The following LSAMP variants were observed in gnomAD, a reference collection of about 807,000 sequenced individuals.
LSAMP encodes the protein limbic system associated membrane protein.
LSAMP carries 7 observed loss-of-function variants against 38.6 expected under a neutral mutation model. The observed-to-expected ratio is 0.18, with a 90% CI of 0.10 to 0.34. The LOEUF is 0.34. LSAMP is among the 10% of genes least tolerant of loss of function. The pLI is 1.00. For missense variants in LSAMP, 313 were observed against 420.0 expected, an observed-to-expected ratio of 0.75 and a Z score of 2.23; for synonymous variants, 154 against 166.8, an observed-to-expected ratio of 0.92 and a Z score of 0.59.
At chr3:116,127,695 ATTTTTTTTTTTTTTT>A in intron 1 of LSAMP, among the ~76,000 whole-genome samples, 1 of 96,654 alleles carries the variant, frequency 1.0e-5, no homozygotes, top group Admixed American at 1.2e-4. Flanking sequence ...GTGTTTGTTC[ATTTTTTTTTTTTTTT>A]TTTTTTTTTT....
chr3:116,219,077 C>G (rs529898096), intron 1 of LSAMP, among the ~76,000 whole-genome samples: 8 of 152,308 alleles, frequency 5.3e-5, no homozygotes, highest in African/African-American at 1.9e-4. Flanking sequence ...TCTTGCTTAA[C>G]TGACACTTTA....
chr3:116,406,114 T>G (rs1182504713), intron 1 of LSAMP, among the ~76,000 whole-genome samples: 1 of 152,084 alleles, frequency 6.6e-6, no homozygotes, highest in Non-Finnish European at 1.5e-5. Context: ...CGTGTACATC[T>G]GCCAAAAAAA....
rs76552053 is a variant in LSAMP at position 116,194,066 on chromosome 3, C to A, written c.156-107510G>T. ...TCTAAAGCTTACCAGTTAACGCAAT[C>A]CGACTCCTATAGGAGAGAAATCAGG... On this transcript the variant is annotated intron_variant, in intron 1 of 6. Transcript: ENST00000490035. Among the ~76,000 whole-genome samples, 345 of 152,268 alleles carry A rather than the reference C, an allele frequency of 2.3e-3. 1 individual carries two copies. The highest frequency in any genetic ancestry group is 8.0e-3 in the African/African-American group (334 of 41,542).
At chr3:115,984,493 G>GTACAC (rs1939456194) in intron 3 of LSAMP, among the ~76,000 whole-genome samples, 1 of 152,116 alleles carries the variant, frequency 6.6e-6, no homozygotes, top group Non-Finnish European at 1.5e-5. Flanking sequence ...AAGTGTGAGG[G>GTACAC]ATTTAGCTAT....
At chr3:116,022,715 A>T (rs73139170) in intron 2 of LSAMP, among the ~76,000 whole-genome samples, 1 of 152,066 alleles carries the variant, frequency 6.6e-6, no homozygotes, top group East Asian at 1.9e-4. Context: ...TCTTCATCTC[A>T]ATCTATACAT....
At chr3:115,816,502 G>A (rs933934720) in intron 6 of LSAMP, 3 of 606,396 alleles carry the variant, frequency 4.9e-6, no homozygotes, top group East Asian at 1.3e-4. Context: ...ATGTGTTATG[G>A]AAATTGTTAT....
At chr3:116,240,573 A>C (rs892649607) in intron 1 of LSAMP, among the ~76,000 whole-genome samples, 1 of 152,218 alleles carries the variant, frequency 6.6e-6, no homozygotes, top group African/African-American at 2.4e-5. Flanking sequence ...TTCACTTGGC[A>C]AGCATGAGAT....
At chr3:116,054,573 G>A (rs1052891708) in intron 2 of LSAMP, among the ~76,000 whole-genome samples, 15 of 152,002 alleles carry the variant, frequency 9.9e-5, no homozygotes, top group Non-Finnish European at 2.2e-4. Flanking sequence ...AGTAGCCCGA[G>A]AGAAAAGGGC....
chr3:116,317,082 G>C (rs909573123), intron 1 of LSAMP, among the ~76,000 whole-genome samples: 1 of 152,090 alleles, frequency 6.6e-6, no homozygotes, highest in Non-Finnish European at 1.5e-5. Flanking sequence ...CCAATCAGCA[G>C]GACAAGGGCA....
intron 1 of LSAMP, among the ~76,000 whole-genome samples, chr3:116,304,519 G>A (rs921604558): frequency 6.6e-6 from 1 of 152,122 alleles, no homozygotes; most frequent in African/African-American, 2.4e-5. Context: ...GAGGATAAGG[G>A]TGCAGAGACA....
intron 2 of LSAMP, among the ~76,000 whole-genome samples, chr3:116,039,993 T>C (rs1264676457): frequency 1.4e-5 from 2 of 148,038 alleles, no homozygotes; most frequent in African/African-American, 5.3e-5. Context: ...CTGCCTCTCT[T>C]TGGGGGGGGA....
At chr3:116,407,534 C>T (rs2048912353) in intron 1 of LSAMP, among the ~76,000 whole-genome samples, 1 of 151,950 alleles carries the variant, frequency 6.6e-6, no homozygotes, top group Admixed American at 6.6e-5. Flanking sequence ...GCAAGGAATG[C>T]TTATGTTAGG....
intron 2 of LSAMP, among the ~76,000 whole-genome samples, chr3:116,026,262 T>C (rs548635738): frequency 6.6e-6 from 1 of 152,280 alleles, no homozygotes; most frequent in South Asian, 2.1e-4. Flanking sequence ...TTATTGTCTT[T>C]GTAGTTCCTT....
At chr3:115,858,944 C>T (rs1240774097) in intron 3 of LSAMP, among the ~76,000 whole-genome samples, 1 of 152,202 alleles carries the variant, frequency 6.6e-6, no homozygotes, top group Non-Finnish European at 1.5e-5. Context: ...TAAGGACATG[C>T]TCTCACCTAT....
chr3:115,969,535 C>T lies in LSAMP; in HGVS notation c.514+49980G>A, dbSNP rs201752557. Among the ~76,000 whole-genome samples the T allele has an allele frequency of 8.0e-4, 122 of 152,264 alleles. 2 individuals are homozygous for T. In the East Asian group the frequency reaches 8.1e-3, roughly 10 times the overall value. On this transcript the variant is annotated intron_variant, in intron 3 of 6. Coordinates refer to ENST00000490035, the MANE Select transcript of LSAMP (RefSeq NM_002338.5). The stretch of plus-strand genomic sequence containing the variant: ...AATCCAAATGGATGAAGGTGACCCA[C>T]CCTTCTGGCGAAAAAATTCTTTGAA...
At chr3:116,110,894 A>AGC (rs1168007791) in intron 1 of LSAMP, among the ~76,000 whole-genome samples, 18 of 152,244 alleles carry the variant, frequency 1.2e-4, no homozygotes, top group Middle Eastern at 3.4e-3. Flanking sequence ...TGAGTCGGAA[A>AGC]AGAGTCAGCG....
chr3:116,444,013 C>T (rs1024597350), intron 1 of LSAMP, among the ~76,000 whole-genome samples: 3 of 152,166 alleles, frequency 2.0e-5, no homozygotes, highest in Non-Finnish European at 4.4e-5. Context: ...GGACTTGGGA[C>T]TCTTCTTTCC....
At position 116,155,523 on chromosome 3, in the gene LSAMP, C is replaced by T. The variant is rs115678417; in HGVS notation, c.156-68967G>A. Reference sequence around the variant, plus strand: ...TATTACAAGTGTGAGCCACTGCACTCGGCCCTATTTTTGATCATGTTTTAC... The same window carrying T: ...TATTACAAGTGTGAGCCACTGCACTTGGCCCTATTTTTGATCATGTTTTAC... On this transcript the variant is annotated intron_variant, in intron 1 of 6. Transcript: ENST00000490035. Among the ~76,000 whole-genome samples, 1,514 of 152,150 alleles carry T rather than the reference C, an allele frequency of 1.0e-2. 25 individuals are homozygous for T. The highest frequency in any genetic ancestry group is 0.034 in the African/African-American group (1,413 of 41,520).
intron 1 of LSAMP, among the ~76,000 whole-genome samples, chr3:116,306,988 C>CTT (rs2047493243): frequency 6.6e-6 from 1 of 151,946 alleles, no homozygotes; most frequent in South Asian, 2.1e-4. Flanking sequence ...GGAAATGAAC[C>CTT]TTTGGAAATG....
Sources: allele counts gnomAD v4.1 joint callset (sites outside exome capture counted in the v4.1 genomes callset), GRCh38; gene constraint gnomAD v4.1.1; transcripts MANE v1.5; gene names NCBI Gene and HGNC (gene_info 2026-07-23, HGNC 2026-07-21).